Variants in MYO10 observed in about 807,000 individuals in gnomAD.
MYO10 encodes unconventional myosin-X.
In MYO10, 133 loss-of-function variants were observed where a neutral mutation model predicts 257.3. That is an observed-to-expected ratio of 0.52 (90% confidence interval 0.45 to 0.60). The LOEUF is 0.60. Ranked by LOEUF, MYO10 falls within the 20% of genes least tolerant of loss-of-function variation. MYO10 has a pLI of 0.00. For missense variants in MYO10, 2,399 were observed against 2,635.7 expected (o/e 0.91, Z 1.97); for synonymous variants, 1,104 against 1,028.6 (o/e 1.07, Z -1.40).
intron 1 of MYO10, among the ~76,000 whole-genome samples, chr5:16,916,746 C>G (rs1280575328): frequency 6.6e-6 from 1 of 152,088 alleles, no homozygotes; most frequent in African/African-American, 2.4e-5. Flanking sequence ...AGAAGAAAAA[C>G]CACACACTTA....
Position 16,758,084 on chromosome 5 carries a change from G to A in MYO10, c.1848+34C>T, listed in dbSNP as rs576754250. 100 of 1,448,926 alleles carry A rather than the reference G, an allele frequency of 6.9e-5. No homozygotes were observed. The Middle Eastern group carries it at 6.9e-4, about 10-fold the overall frequency. The allele number at this position is 1,448,926 out of a possible 1,614,324, so 89.8% of individuals were successfully genotyped here. The stretch of plus-strand genomic sequence containing the variant: ...TTTCAGTTCTTAAAAATACAGTAAC[G>A]ACGGATTCCTCTAAGCCAGCAGTGA... On this transcript the variant is annotated intron_variant, in intron 18 of 40. Coordinates refer to ENST00000513610, the MANE Select transcript of MYO10 (RefSeq NM_012334.3).
At chr5:16,724,226 T>A (rs1739266741) in intron 19 of MYO10, among the ~76,000 whole-genome samples, 1 of 152,178 alleles carries the variant, frequency 6.6e-6, no homozygotes, top group Non-Finnish European at 1.5e-5. Context: ...AAGAACTGCA[T>A]TTCAGCTCTG....
At chr5:16,807,920 ATCAATTAGGGACCTT>A (rs1742326194) in intron 3 of MYO10, among the ~76,000 whole-genome samples, 1 of 151,994 alleles carries the variant, frequency 6.6e-6, no homozygotes, top group South Asian at 2.1e-4. Context: ...GTCTTCACTA[ATCAATTAGGGACCTT>A]TCATTTACTC....
At position 16,923,663 on chromosome 5, in the gene MYO10, T is replaced by TACACACACACAC. The variant is rs60949830; in HGVS notation, c.21+12113_21+12124dup. Among the ~76,000 whole-genome samples the TACACACACACAC allele has an allele frequency of 2.9e-3, 412 of 140,710 alleles. 3 individuals carry two copies. Among genetic ancestry groups the TACACACACACAC allele is most frequent in the African/African-American group, 0.01 (393 of 37,988 alleles). 92.3% of individuals were successfully genotyped at this position (140,710 alleles called of 152,430 possible). On this transcript the variant is annotated intron_variant, in intron 1 of 40. Coordinates refer to ENST00000513610, the MANE Select transcript of MYO10 (RefSeq NM_012334.3). ...AAATAATAAGCCTTAAACACGCCCA[T>TACACACACACAC]ACACACACACACACACACACACACA...
intron 2 of MYO10, among the ~76,000 whole-genome samples, chr5:16,849,016 C>A (rs189528364): frequency 6.6e-6 from 1 of 152,080 alleles, no homozygotes; most frequent in Non-Finnish European, 1.5e-5. Flanking sequence ...AGTGCAGTGG[C>A]GCAATCATAG....
intron 2 of MYO10, among the ~76,000 whole-genome samples, chr5:16,821,830 A>T (rs1165822712): frequency 1.3e-5 from 2 of 152,000 alleles, no homozygotes; most frequent in African/African-American, 4.8e-5. Flanking sequence ...AATCAAGAGA[A>T]CTAGAACCAT....
rs112414430 is a variant in MYO10, at chr5:16,696,924, TA to T, written c.3557-2311del. On this transcript the variant is annotated intron_variant, in intron 26 of 40. Coordinates refer to ENST00000513610, the MANE Select transcript of MYO10 (RefSeq NM_012334.3). ...ATTGAAGAGAATTTTCAAATTAACTTAGGGAATTAAAAATTGAGGAATGGGA... is the reference window on the plus strand; with the variant it reads ...ATTGAAGAGAATTTTCAAATTAACTTGGGAATTAAAAATTGAGGAATGGGA... Among the ~76,000 whole-genome samples, 841 of 152,026 alleles carry T rather than the reference TA, an allele frequency of 5.5e-3. 14 individuals are homozygous for T. Among genetic ancestry groups the T allele is most frequent in the African/African-American group, 0.02 (809 of 41,426 alleles).
In MYO10 at chr5:16,860,704, A is replaced by G. The variant is rs139510499; in HGVS notation, c.120+16905T>C. ...GTAAGCAGAGGCTCTTAAGAGAGTCAACGGATGAACTCCAGGGCCTCTGAC... is the reference window on the plus strand; with the variant it reads ...GTAAGCAGAGGCTCTTAAGAGAGTCGACGGATGAACTCCAGGGCCTCTGAC... On this transcript the variant is annotated intron_variant, in intron 2 of 40. Transcript: ENST00000513610. 1.1e-3 allele frequency among the ~76,000 whole-genome samples: 174 copies of G among 152,212 alleles called. 1 individual carries two copies. The highest frequency in any genetic ancestry group is 4.1e-3 in the African/African-American group (171 of 41,528).
At chr5:16,796,063 C>T (rs565101297) in intron 3 of MYO10, among the ~76,000 whole-genome samples, 2 of 151,534 alleles carry the variant, frequency 1.3e-5, no homozygotes, top group Non-Finnish European at 2.9e-5. Context: ...GTGGCACACA[C>T]CTGTAATCCC....
chr5:16,683,133 C>T (rs1049216122), intron 30 of MYO10, among the ~76,000 whole-genome samples: 4 of 152,126 alleles, frequency 2.6e-5, no homozygotes, highest in African/African-American at 9.7e-5. Context: ...ACAGAGACCC[C>T]AGCACTCTAA....
At chr5:16,775,599 T>C (rs879297621) in intron 9 of MYO10, among the ~76,000 whole-genome samples, 1 of 151,614 alleles carries the variant, frequency 6.6e-6, no homozygotes, top group Non-Finnish European at 1.5e-5. Flanking sequence ...TTTTGTTTGT[T>C]TGTTTGTTTG....
At position 16,794,824 on chromosome 5, in the gene MYO10, C is replaced by T. The variant is rs1308065029; in HGVS notation, c.289G>A (p.Gly97Ser). The change falls in exon 4 of 41, where the codon GGC (glycine) becomes AGC (serine). Residue 97 changes from glycine (G) to serine (S), a missense_variant. Gly to Ser is a moderately conservative substitution (Grantham distance 56). Coordinates refer to ENST00000513610, the MANE Select transcript of MYO10 (RefSeq NM_012334.3). ...YKRNQIYTYI[G>S]SILASVNPYQ... Reference sequence around the variant, plus strand: ...GGGTTCACGGAGGCCAGGATGGAGCCGATGTAGGTCTGCAAGCACAGAGTG... The same window carrying T: ...GGGTTCACGGAGGCCAGGATGGAGCTGATGTAGGTCTGCAAGCACAGAGTG... 12 of 1,533,130 alleles carry T rather than the reference C, an allele frequency of 7.8e-6. No individual in the cohort carries two copies. Among genetic ancestry groups the T allele is most frequent in the African/African-American group, 1.4e-5 (1 of 72,654 alleles). 95.0% of individuals were successfully genotyped at this position (1,533,130 alleles called of 1,614,324 possible).
At chr5:16,848,155 C>CTTTTTTTTTTTTTCT (rs1554002460) in intron 2 of MYO10, among the ~76,000 whole-genome samples, 2,835 of 113,386 alleles carry the variant, frequency 0.025, 76 homozygotes, top group African/African-American at 0.03. Context: ...CTACACATTT[C>CTTTTTTTTTTTTTCT]TTTTTTTTTT....
chr5:16,847,711 C>G (rs1398989515), intron 2 of MYO10, among the ~76,000 whole-genome samples: 2 of 151,950 alleles, frequency 1.3e-5, no homozygotes, highest in Non-Finnish European at 2.9e-5. Context: ...ACCTGGGTGA[C>G]ACAGTGAGAC....
chr5:16,918,226 C>T lies in MYO10; in HGVS notation c.21+17562G>A, dbSNP rs562535589. ...AGGAAGATGTGAAGAGTCCAAAAGCCCAAAGCTGTGACTAGACAGCTGCGT... is the reference window on the plus strand; with the variant it reads ...AGGAAGATGTGAAGAGTCCAAAAGCTCAAAGCTGTGACTAGACAGCTGCGT... On this transcript the variant is annotated intron_variant, in intron 1 of 40. Coordinates refer to ENST00000513610, the MANE Select transcript of MYO10 (RefSeq NM_012334.3). Among the ~76,000 whole-genome samples the T allele has an allele frequency of 2.6e-5, 4 of 152,178 alleles. No homozygotes were observed. The East Asian group carries it at 7.7e-4, about 29-fold the overall frequency.
intron 2 of MYO10, among the ~76,000 whole-genome samples, chr5:16,870,460 C>T (rs1744421679): frequency 6.6e-6 from 1 of 151,486 alleles, no homozygotes; most frequent in African/African-American, 2.4e-5. Context: ...CTCTCCAGCC[C>T]CACCCCAACC....
intron 2 of MYO10, among the ~76,000 whole-genome samples, chr5:16,872,615 A>G (rs1331429413): frequency 2.6e-5 from 4 of 152,232 alleles, no homozygotes; most frequent in African/African-American, 9.6e-5. Context: ...AGAAAGGGAA[A>G]GAATGCTATA....
chr5:16,683,783 A>G, intron 30 of MYO10, 97 bp downstream of exon 30: 2 of 1,245,008 alleles, frequency 1.6e-6, no homozygotes, highest in Non-Finnish European at 2.3e-6. Context: ...GCGTGATTTC[A>G]CAGCCCTGTG....
chr5:16,761,373 A>C, intron 17 of MYO10, 91 bp downstream of exon 17: 1 of 1,007,646 alleles, frequency 9.9e-7, no homozygotes, highest in South Asian at 1.3e-5. Context: ...TTCTTACATA[A>C]CAGCAATTTG....
Sources: allele counts gnomAD v4.1 joint callset (sites outside exome capture counted in the v4.1 genomes callset), GRCh38; gene constraint gnomAD v4.1.1; transcripts MANE v1.5; gene names NCBI Gene and HGNC (gene_info 2026-07-23, HGNC 2026-07-21).